Variants in COL22A1 observed in about 807,000 individuals in gnomAD.
COL22A1 encodes collagen type XXII alpha 1 chain.
In COL22A1, 221 loss-of-function variants were observed where a neutral mutation model predicts 248.9. That is an observed-to-expected ratio of 0.89 (90% CI 0.80 to 0.99). The LOEUF is 0.99. Among genes scored for constraint, COL22A1 ranks in the 50% least tolerant of loss-of-function variants. The probability of loss-of-function intolerance (pLI) is 0.00; values close to 1 mark genes in which losing one functional copy is unlikely to be tolerated. For missense variants in COL22A1, 2,240 were observed against 2,179.0 expected, an observed-to-expected ratio of 1.03 and a Z score of -0.56; for synonymous variants, 891 against 793.4, an observed-to-expected ratio of 1.12 and a Z score of -2.07.
At chr8:138,661,621 A>T (rs748112540) in intron 43 of COL22A1, among the ~76,000 whole-genome samples, 8 of 152,192 alleles carry the variant, frequency 5.3e-5, no homozygotes, top group Non-Finnish European at 1.2e-4. Context: ...ACATCCTCAC[A>T]ATGAGCATGA....
intron 52 of COL22A1, among the ~76,000 whole-genome samples, chr8:138,623,062 G>A (rs976391180): frequency 2.0e-5 from 3 of 151,424 alleles, no homozygotes; most frequent in Non-Finnish European, 4.4e-5. Context: ...TCACAGATAC[G>A]GGTCTCTGTA....
At chr8:138,692,362 G>A (rs1259019491) in intron 35 of COL22A1, among the ~76,000 whole-genome samples, 1 of 146,328 alleles carries the variant, frequency 6.8e-6, no homozygotes, top group Non-Finnish European at 1.5e-5. Context: ...GCACATGTGT[G>A]CATGTTTGTG....
intron 1 of COL22A1, among the ~76,000 whole-genome samples, chr8:138,885,016 GCACA>G (rs10587026): frequency 6.6e-5 from 10 of 150,870 alleles, no homozygotes; most frequent in East Asian, 2.0e-4. Flanking sequence ...GTGTGTGCAC[GCACA>G]CACACACACA....
intron 56 of COL22A1, among the ~76,000 whole-genome samples, chr8:138,610,244 C>T (rs1818752971): frequency 6.6e-6 from 1 of 152,192 alleles, no homozygotes; most frequent in Non-Finnish European, 1.5e-5. Flanking sequence ...GTAAATGCAC[C>T]ACTCCACTGG....
chr8:138,852,047 G>C (rs1821685369), intron 3 of COL22A1, among the ~76,000 whole-genome samples: 1 of 152,206 alleles, frequency 6.6e-6, no homozygotes, highest in Non-Finnish European at 1.5e-5. Flanking sequence ...AGGAAGGCAG[G>C]AATTGGGGGA....
chr8:138,610,823 G>C (rs1379321136), intron 56 of COL22A1, among the ~76,000 whole-genome samples: 1 of 152,210 alleles, frequency 6.6e-6, no homozygotes, highest in Non-Finnish European at 1.5e-5. Flanking sequence ...CAGCACTTTG[G>C]GAGGCTGAGA....
chr8:138,613,947 C>T (rs752654800), intron 55 of COL22A1, 27 bp from the exon 56 acceptor site: 2 of 1,572,580 alleles, frequency 1.3e-6, no homozygotes, highest in Non-Finnish European at 1.8e-6. Flanking sequence ...GAGATGGTGT[C>T]ATCATCAAGT....
chr8:138,748,939 G>T (rs1832362540), intron 22 of COL22A1, among the ~76,000 whole-genome samples: 1 of 152,180 alleles, frequency 6.6e-6, no homozygotes, highest in Admixed American at 6.5e-5. Flanking sequence ...GAGGGACCTG[G>T]TGGGAGATCA....
chr8:138,677,165 T>C (rs1040402871), intron 40 of COL22A1, among the ~76,000 whole-genome samples: 3 of 152,238 alleles, frequency 2.0e-5, no homozygotes, highest in African/African-American at 7.2e-5. Context: ...GTTAACAGTG[T>C]GGACGTGGGT....
intron 47 of COL22A1, among the ~76,000 whole-genome samples, chr8:138,639,672 G>C (rs1478940126): frequency 6.6e-6 from 1 of 152,122 alleles, no homozygotes; most frequent in Non-Finnish European, 1.5e-5. Context: ...TCTTTGAAAG[G>C]TATGCAAATA....
chr8:138,689,091 C>A, intron 36 of COL22A1, 121 bp from the exon 37 acceptor site: 3 of 762,268 alleles, frequency 3.9e-6, no homozygotes, highest in South Asian at 1.5e-5. Context: ...AGCTCCCACC[C>A]AATTCCCATA....
chr8:138,679,002 A>G (rs1168467872), intron 40 of COL22A1, among the ~76,000 whole-genome samples: 1 of 151,958 alleles, frequency 6.6e-6, no homozygotes, highest in African/African-American at 2.4e-5. Flanking sequence ...TGCAGCTTTG[A>G]CCTCTCAAGT....
At chr8:138,903,177 C>T (rs1234166752) in intron 1 of COL22A1, among the ~76,000 whole-genome samples, 3 of 152,110 alleles carry the variant, frequency 2.0e-5, no homozygotes, top group African/African-American at 7.2e-5. Flanking sequence ...CACATGGGAT[C>T]CCCACCATAG....
rs534720089 is a variant in COL22A1 at position 138,714,370 on chromosome 8, T to C, written c.2517+1312A>G. On this transcript the variant is annotated intron_variant, in intron 30 of 64. Transcript: ENST00000303045. ...CCAGGAGGCAACCTCAGTGGTCTCATTGACCTCATCCCCTGGATCCCAGTG... is the reference window on the plus strand; with the variant it reads ...CCAGGAGGCAACCTCAGTGGTCTCACTGACCTCATCCCCTGGATCCCAGTG... 8.5e-5 allele frequency among the ~76,000 whole-genome samples: 13 copies of C among 152,306 alleles called. No homozygotes were observed. In the South Asian group the frequency reaches 2.1e-3, roughly 24 times the overall value.
chr8:138,616,882 G>A lies in COL22A1; in HGVS notation c.3870+32C>T, dbSNP rs769307760. 2.5e-6 allele frequency: 4 copies of A among 1,612,634 alleles called. No individual in the cohort carries two copies. The African/African-American group carries it at 4.0e-5, about 16-fold the overall frequency. On this transcript the variant is annotated intron_variant, in intron 54 of 64. Coordinates refer to ENST00000303045, the MANE Select transcript of COL22A1 (RefSeq NM_152888.3). ...TGGGAAGTGTAAGCTCTGCCCACCT[G>A]GGGGGACCTCCAAAGTGAGGCGCCC... is the stretch of plus-strand genomic sequence containing the variant.
At chr8:138,766,986 G>A (rs1041053253) in intron 16 of COL22A1, among the ~76,000 whole-genome samples, 1 of 152,168 alleles carries the variant, frequency 6.6e-6, no homozygotes, top group Admixed American at 6.5e-5. Context: ...GGGCTCCGGG[G>A]TAGAGGGGAC....
chr8:138,639,963 C>A (rs1442753079), intron 47 of COL22A1, among the ~76,000 whole-genome samples: 1 of 152,184 alleles, frequency 6.6e-6, no homozygotes, highest in African/African-American at 2.4e-5. Flanking sequence ...CCGCAATTAC[C>A]AGGTGAATCT....
chr8:138,619,511 G>A lies in COL22A1; in HGVS notation c.3772-3C>T. 1.2e-6 allele frequency: 2 copies of A among 1,613,870 alleles called. No individual in the cohort carries two copies. Among genetic ancestry groups the A allele is most frequent in the Non-Finnish European group, 8.5e-7 (1 of 1,179,768 alleles). Reference sequence around the variant, plus strand: ...AGACCTGGCTCTCCTGCTTTGCCCTGAGAGTAAGGAAGAAAAGAAGAGTTT... The same window carrying A: ...AGACCTGGCTCTCCTGCTTTGCCCTAAGAGTAAGGAAGAAAAGAAGAGTTT... On this transcript the variant is annotated splice_region_variant and splice_polypyrimidine_tract_variant and intron_variant, in intron 52 of 64. Coordinates refer to ENST00000303045, the MANE Select transcript of COL22A1 (RefSeq NM_152888.3).
intron 35 of COL22A1, among the ~76,000 whole-genome samples, chr8:138,692,733 C>T (rs62527936): frequency 0.37 from 56,547 of 151,680 alleles, 10,843 homozygotes; most frequent in South Asian, 0.45. Context: ...TCAGGACTCA[C>T]GGAGAACACT....
Sources: gnomAD v4.1 joint callset for allele counts (sites outside exome capture counted in the v4.1 genomes callset) on GRCh38, gnomAD v4.1.1 for gene constraint, MANE v1.5 for transcripts, NCBI Gene and HGNC (gene_info 2026-07-23, HGNC 2026-07-21) for gene names.